SLIT3: variants seen among roughly 807,000 people sequenced by gnomAD.
The protein encoded by SLIT3 is slit guidance ligand 3.
Under a neutral mutation model 184.0 loss-of-function variants are expected in SLIT3, and 68 were observed. That is an observed-to-expected ratio of 0.37 (90% CI 0.30 to 0.45). The LOEUF (loss-of-function observed/expected upper bound fraction) is 0.45. Ranked by LOEUF, SLIT3 falls within the 20% of genes least tolerant of loss-of-function variation. SLIT3 has a pLI of 1.00. For missense variants in SLIT3, 1,707 were observed against 2,026.0 expected (o/e 0.84, Z 3.02); for synonymous variants, 831 against 828.6 (o/e 1.00, Z -0.05).
rs113953219 is a variant in SLIT3, at chr5:169,130,367, T to A, written c.413+63112A>T. ...TTGTTATTAGGCTCAGCAGACATCC[T>A]GGTGGAACTGTAGAAAGAGCTGAGA... On this transcript the variant is annotated intron_variant, in intron 4 of 35. Transcript: ENST00000519560. Among the ~76,000 whole-genome samples the A allele has an allele frequency of 1.1e-3, 166 of 152,332 alleles. 2 individuals are homozygous for A. Among genetic ancestry groups the A allele is most frequent in the African/African-American group, 3.9e-3 (162 of 41,574 alleles).
At chr5:169,240,748 A>G (rs1765376892) in intron 3 of SLIT3, among the ~76,000 whole-genome samples, 1 of 151,614 alleles carries the variant, frequency 6.6e-6, no homozygotes, top group South Asian at 2.1e-4. Flanking sequence ...ATTCATGTTT[A>G]AATGTATCAT....
At chr5:168,794,447 G>A (rs747118782) in intron 10 of SLIT3, among the ~76,000 whole-genome samples, 7 of 152,200 alleles carry the variant, frequency 4.6e-5, no homozygotes, top group African/African-American at 1.2e-4. Context: ...GCTCAAGGTC[G>A]TCATGGGATG....
At chr5:168,921,090 A>C (rs1330726323) in intron 4 of SLIT3, among the ~76,000 whole-genome samples, 1 of 152,216 alleles carries the variant, frequency 6.6e-6, no homozygotes, top group South Asian at 2.1e-4. Flanking sequence ...TTTTCCCCTC[A>C]AAATCGGTAT....
At chr5:168,787,170 C>T (rs1042507241) in intron 11 of SLIT3, among the ~76,000 whole-genome samples, 1 of 152,210 alleles carries the variant, frequency 6.6e-6, no homozygotes, top group African/African-American at 2.4e-5. Context: ...CATGATAGCT[C>T]AGGCACACAT....
At chr5:169,159,503 CGGTAG>C (rs750976188) in intron 4 of SLIT3, among the ~76,000 whole-genome samples, 7,042 of 149,308 alleles carry the variant, frequency 0.047, 216 homozygotes, top group East Asian at 0.1. Flanking sequence ...AGGCCAGGCG[CGGTAG>C]CTCACGCCTG....
chr5:168,837,133 T>C (rs1185905245), intron 6 of SLIT3, among the ~76,000 whole-genome samples: 1 of 152,150 alleles, frequency 6.6e-6, no homozygotes. Flanking sequence ...TTTCCTAGTA[T>C]TCTAGGGGCT....
intron 4 of SLIT3, among the ~76,000 whole-genome samples, chr5:169,043,786 G>T (rs1475821563): frequency 6.6e-6 from 1 of 152,206 alleles, no homozygotes; most frequent in African/African-American, 2.4e-5. Context: ...AAGAGTGGCT[G>T]ATTTAAGAGG....
At chr5:168,783,423 G>T (rs939748502) in intron 12 of SLIT3, among the ~76,000 whole-genome samples, 1 of 151,820 alleles carries the variant, frequency 6.6e-6, no homozygotes, top group Non-Finnish European at 1.5e-5. Context: ...CCAGAGGAGT[G>T]GGGGAAGATG....
In SLIT3 at chr5:168,741,350, A is replaced by G. The variant is rs374786411; in HGVS notation, c.2270+6952T>C. ...GCTGGGCATGGTGGCGGGCACCTGT[A>G]GTCCCAGCTACTCGGGAGGCTGAGG... On this transcript the variant is annotated intron_variant, in intron 20 of 35. Transcript: ENST00000519560. 9.2e-5 allele frequency among the ~76,000 whole-genome samples: 14 copies of G among 152,132 alleles called. No individual in the cohort carries two copies. The East Asian group carries it at 1.9e-3, about 21-fold the overall frequency.
At chr5:168,968,804 C>T (rs1167623445) in intron 4 of SLIT3, among the ~76,000 whole-genome samples, 1 of 152,190 alleles carries the variant, frequency 6.6e-6, no homozygotes, top group East Asian at 1.9e-4. Context: ...GGCTTTGACT[C>T]AGACAGACTT....
At chr5:169,031,261 T>C (rs1181224826) in intron 4 of SLIT3, among the ~76,000 whole-genome samples, 1 of 152,206 alleles carries the variant, frequency 6.6e-6, no homozygotes, top group Non-Finnish European at 1.5e-5. Context: ...TTTCATATTC[T>C]GTTCATTAAT....
chr5:168,840,924 G>A (rs368558042), intron 6 of SLIT3, among the ~76,000 whole-genome samples: 151 of 152,302 alleles, frequency 9.9e-4, no homozygotes, highest in African/African-American at 3.4e-3. Flanking sequence ...AAAGCAGGAC[G>A]AGTTCCTTAC....
intron 20 of SLIT3, among the ~76,000 whole-genome samples, chr5:168,734,017 G>A (rs138437371): frequency 6.6e-6 from 1 of 152,224 alleles, no homozygotes; most frequent in Non-Finnish European, 1.5e-5. Flanking sequence ...TAGAATAATG[G>A]ACACTGGAGA....
intron 5 of SLIT3, 33 bp downstream of exon 5, chr5:168,883,232 C>T (rs755659516): frequency 1.3e-6 from 2 of 1,592,026 alleles, no homozygotes; most frequent in Non-Finnish European, 1.7e-6. Flanking sequence ...AAGTTAGCCA[C>T]ATACGTAGTG....
intron 4 of SLIT3, among the ~76,000 whole-genome samples, chr5:168,934,328 T>C (rs377107594): frequency 6.2e-4 from 94 of 152,332 alleles, no homozygotes; most frequent in African/African-American, 2.2e-3. Context: ...TCTTTGCTGG[T>C]TGAGATTCTA....
At chr5:168,920,694 G>A (rs1005668706) in intron 4 of SLIT3, among the ~76,000 whole-genome samples, 4 of 152,174 alleles carry the variant, frequency 2.6e-5, no homozygotes, top group East Asian at 1.9e-4. Context: ...TTCTCTTGGC[G>A]TGGGTGAACT....
intron 4 of SLIT3, among the ~76,000 whole-genome samples, chr5:169,086,063 A>G (rs1172078383): frequency 1.3e-5 from 2 of 152,112 alleles, no homozygotes; most frequent in Non-Finnish European, 2.9e-5. Context: ...ACCCTCCCCT[A>G]AAGCCAACGG....
At chr5:169,186,198 G>A (rs1299721467) in intron 4 of SLIT3, among the ~76,000 whole-genome samples, 1 of 152,208 alleles carries the variant, frequency 6.6e-6, no homozygotes, top group South Asian at 2.1e-4. Context: ...TGTTAAAGTG[G>A]CTATCAGGTT....
intron 8 of SLIT3, among the ~76,000 whole-genome samples, chr5:168,807,813 C>T (rs1473709275): frequency 6.6e-6 from 1 of 152,190 alleles, no homozygotes; most frequent in African/African-American, 2.4e-5. Flanking sequence ...GTGGGTCTAG[C>T]TACAGGGATT....
Sources: gnomAD v4.1 joint callset for allele counts (sites outside exome capture counted in the v4.1 genomes callset) on GRCh38, gnomAD v4.1.1 for gene constraint, MANE v1.5 for transcripts, NCBI Gene and HGNC (gene_info 2026-07-23, HGNC 2026-07-21) for gene names.